The following RAP2B variants were observed in gnomAD, a reference collection of about 807,000 sequenced individuals.
RAP2B encodes the protein RAP2B, member of RAS oncogene family.
RAP2B carries 6 observed loss-of-function variants against 14.4 expected under a neutral mutation model. The ratio of observed to expected loss-of-function variants is 0.42; its 90% confidence interval spans 0.23 to 0.82. RAP2B has a LOEUF of 0.82. Among genes scored for constraint, RAP2B ranks in the 40% least tolerant of loss-of-function variants. The pLI is 0.30. For synonymous variants in RAP2B, 118 were observed against 113.2 expected, an observed-to-expected ratio of 1.04 and a Z score of -0.27; for missense variants, 137 against 248.2, an observed-to-expected ratio of 0.55 and a Z score of 3.01.
At position 153,165,020 on chromosome 3, in the gene RAP2B, A is replaced by AGG. The variant is rs1713536176; in HGVS notation, c.*1775_*1776insGG. 1.2e-5 allele frequency: 2 copies of AGG among 166,814 alleles called. No homozygotes were observed. Among genetic ancestry groups the AGG allele is most frequent in the African/African-American group, 4.8e-5 (2 of 41,446 alleles). The allele number at this position is 166,814 out of a possible 1,614,324, so 10.3% of individuals were successfully genotyped here. ...GTTTACCTCATTGTAGGTAGGGAAC[A>AGG]AGAGAACCCATCTATTAAAATTGCC... On this transcript the variant is annotated 3_prime_UTR_variant, in exon 1 of 1. Transcript: ENST00000323534.
rs1713489956 is a variant in RAP2B, at chr3:153,163,747, A to T, written c.*502A>T. The T allele has an allele frequency of 6.5e-6, 1 of 155,024 alleles. No homozygotes were observed. Among genetic ancestry groups the T allele is most frequent in the Admixed American group, 7.7e-5 (1 of 12,928 alleles). 9.6% of individuals were successfully genotyped at this position (155,024 alleles called of 1,614,324 possible). On this transcript the variant is annotated 3_prime_UTR_variant, in exon 1 of 1. Coordinates refer to ENST00000323534, the MANE Select transcript of RAP2B (RefSeq NM_002886.4). Reference sequence around the variant, plus strand: ...ACATGGAAGGAAGTCCGGGAGAACCATATGAAGGAGCAGGAGGAGAGGAAG... The same window carrying T: ...ACATGGAAGGAAGTCCGGGAGAACCTTATGAAGGAGCAGGAGGAGAGGAAG...
At position 153,163,347 on chromosome 3, in the gene RAP2B, C is replaced by G; in HGVS notation, c.*102C>G. 1 of 1,434,178 alleles carries G rather than the reference C, an allele frequency of 7.0e-7. No homozygotes were observed. Among genetic ancestry groups the G allele is most frequent in the Non-Finnish European group, 9.2e-7 (1 of 1,084,200 alleles). 88.8% of individuals were successfully genotyped at this position (1,434,178 alleles called of 1,614,324 possible). The stretch of plus-strand genomic sequence containing the variant: ...TGCTTTGAGATTGGAGACCACTTTG[C>G]ATTGGCCAGGGTGTCTTGGGAGCCC... On this transcript the variant is annotated 3_prime_UTR_variant, in exon 1 of 1. Coordinates refer to ENST00000323534, the MANE Select transcript of RAP2B (RefSeq NM_002886.4).
Position 153,164,452 on chromosome 3 carries a change from C to G in RAP2B, c.*1207C>G, listed in dbSNP as rs1713511386. 6.0e-6 allele frequency: 1 copy of G among 167,056 alleles called. No individual in the cohort carries two copies. Among genetic ancestry groups the G allele is most frequent in the Admixed American group, 6.5e-5 (1 of 15,288 alleles). The allele number at this position is 167,056 out of a possible 1,614,324, so 10.3% of individuals were successfully genotyped here. ...GTTTAGTGAATTTCTTTATTATTTTCAGCCTTTAAAATGTAATTTCCATCT... is the reference window on the plus strand; with the variant it reads ...GTTTAGTGAATTTCTTTATTATTTTGAGCCTTTAAAATGTAATTTCCATCT... On this transcript the variant is annotated 3_prime_UTR_variant, in exon 1 of 1. Coordinates refer to ENST00000323534, the MANE Select transcript of RAP2B (RefSeq NM_002886.4).
chr3:153,164,719 GAAAC>G lies in RAP2B; in HGVS notation c.*1479_*1482del, dbSNP rs1350158604. On this transcript the variant is annotated 3_prime_UTR_variant, in exon 1 of 1. Coordinates refer to ENST00000323534, the MANE Select transcript of RAP2B (RefSeq NM_002886.4). ...TTTTAATACAAATGTCATTTTTAAA[GAAAC>G]AAACCCAAAACTATTGTTTGTGTTT... is the stretch of plus-strand genomic sequence containing the variant. 6.0e-6 allele frequency: 1 copy of G among 166,986 alleles called. No individual in the cohort carries two copies. The highest frequency in any genetic ancestry group is 2.4e-5 in the African/African-American group (1 of 41,430). The allele number at this position is 166,986 out of a possible 1,614,324, so 10.3% of individuals were successfully genotyped here.
Position 153,162,255 on chromosome 3 carries a change from G to C in RAP2B, c.-439G>C, listed in dbSNP as rs1001041269. 1 of 152,988 alleles carries C rather than the reference G, an allele frequency of 6.5e-6. No individual in the cohort carries two copies. Among genetic ancestry groups the C allele is most frequent in the African/African-American group, 2.4e-5 (1 of 41,466 alleles). The allele number at this position is 152,988 out of a possible 1,614,324, so 9.5% of individuals were successfully genotyped here. ...GAGGCTGTGGGAGAGAGCGCGATGG[G>C]CCGCGGCGGTGGGCGCACGTTCCGC... is the stretch of plus-strand genomic sequence containing the variant. On this transcript the variant is annotated 5_prime_UTR_variant, in exon 1 of 1. Transcript: ENST00000323534. This position sits in a 1 kb window ranked among gnomAD's most constrained non-coding sequence, Gnocchi z 4.9.
Position 153,166,542 on chromosome 3 carries a change from T to C in RAP2B, c.*3297T>C, listed in dbSNP as rs1713583212. ...GACCCCTGCTGTTTTTAAACAGCTTTTCCTTTTGGTCTCTGACAGTCAATC... is the reference window on the plus strand; with the variant it reads ...GACCCCTGCTGTTTTTAAACAGCTTCTCCTTTTGGTCTCTGACAGTCAATC... On this transcript the variant is annotated 3_prime_UTR_variant, in exon 1 of 1. Transcript: ENST00000323534. 1 of 167,114 alleles carries C rather than the reference T, an allele frequency of 6.0e-6. No individual in the cohort carries two copies. 10.4% of individuals were successfully genotyped at this position (167,114 alleles called of 1,614,324 possible).
chr3:153,166,458 CAG>C lies in RAP2B; in HGVS notation c.*3215_*3216del, dbSNP rs1289970896. 3 of 166,996 alleles carry C rather than the reference CAG, an allele frequency of 1.8e-5. No homozygotes were observed. The highest frequency in any genetic ancestry group is 6.5e-5 in the Admixed American group (1 of 15,276). The allele number at this position is 166,996 out of a possible 1,614,324, so 10.3% of individuals were successfully genotyped here. ...GTTGTAAGGCAATCACCTGTCAAAA[CAG>C]AAATTGGGTGGGAAAGGAGTCTTTA... On this transcript the variant is annotated 3_prime_UTR_variant, in exon 1 of 1. Coordinates refer to ENST00000323534, the MANE Select transcript of RAP2B (RefSeq NM_002886.4).
Position 153,163,417 on chromosome 3 carries a change from G to T in RAP2B, c.*172G>T. 2.4e-6 allele frequency: 2 copies of T among 846,708 alleles called. No individual in the cohort carries two copies. Among genetic ancestry groups the T allele is most frequent in the South Asian group, 1.8e-5 (1 of 54,732 alleles). 52.4% of individuals were successfully genotyped at this position (846,708 alleles called of 1,614,324 possible). On this transcript the variant is annotated 3_prime_UTR_variant, in exon 1 of 1. Coordinates refer to ENST00000323534, the MANE Select transcript of RAP2B (RefSeq NM_002886.4). Reference sequence around the variant, plus strand: ...CGTCCCCTGCCTCCACCCTGTGCCCGAGGGGGTGTCCGGTCCTGCCCATCC... The same window carrying T: ...CGTCCCCTGCCTCCACCCTGTGCCCTAGGGGGTGTCCGGTCCTGCCCATCC...
rs1345331459 is a variant in RAP2B, at chr3:153,163,382, C to T, written c.*137C>T. ...GGTGTCTTGGGAGCCCGGCTGGCCT[C>T]CGCGGCCGGCGTCCCCTGCCTCCAC... On this transcript the variant is annotated 3_prime_UTR_variant, in exon 1 of 1. Coordinates refer to ENST00000323534, the MANE Select transcript of RAP2B (RefSeq NM_002886.4). 4 of 1,259,156 alleles carry T rather than the reference C, an allele frequency of 3.2e-6. No individual in the cohort carries two copies. Among genetic ancestry groups the T allele is most frequent in the Non-Finnish European group, 4.3e-6 (4 of 927,524 alleles). The allele number at this position is 1,259,156 out of a possible 1,614,324, so 78.0% of individuals were successfully genotyped here. A position where few individuals can be genotyped will look rare whatever the true frequency, so the allele number is the denominator to read the frequency against.
rs983860780 is a variant in RAP2B, at chr3:153,167,420, G to A, written c.*4175G>A. On this transcript the variant is annotated 3_prime_UTR_variant, in exon 1 of 1. Transcript: ENST00000323534. ...CCAGTTTCTTACCCAGTGGGTCTCG[G>A]GTAGGGTCTCAATTTTCATTTCTAA... 6.0e-6 allele frequency: 1 copy of A among 166,932 alleles called. No individual in the cohort carries two copies. Among genetic ancestry groups the A allele is most frequent in the Non-Finnish European group, 1.5e-5 (1 of 68,098 alleles). 10.3% of individuals were successfully genotyped at this position (166,932 alleles called of 1,614,324 possible).
chr3:153,166,185 T>C lies in RAP2B; in HGVS notation c.*2940T>C, dbSNP rs1204339685. ...TGTAAAATAAATGCTTTTTGGATTATCAATGAAAGCAATTTTATGTGTGCC... is the reference window on the plus strand; with the variant it reads ...TGTAAAATAAATGCTTTTTGGATTACCAATGAAAGCAATTTTATGTGTGCC... On this transcript the variant is annotated 3_prime_UTR_variant, in exon 1 of 1. Coordinates refer to ENST00000323534, the MANE Select transcript of RAP2B (RefSeq NM_002886.4). The C allele has an allele frequency of 6.0e-6, 1 of 166,890 alleles. No individual in the cohort carries two copies. The highest frequency in any genetic ancestry group is 2.4e-5 in the African/African-American group (1 of 41,450). 10.3% of individuals were successfully genotyped at this position (166,890 alleles called of 1,614,324 possible). A position where few individuals can be genotyped will look rare whatever the true frequency, so the allele number is the denominator to read the frequency against.
In RAP2B at chr3:153,168,604, T is replaced by C. The variant is rs1242176261; in HGVS notation, c.*5359T>C. On this transcript the variant is annotated 3_prime_UTR_variant, in exon 1 of 1. Coordinates refer to ENST00000323534, the MANE Select transcript of RAP2B (RefSeq NM_002886.4). ...TGGAGTGTTACATCTGAAACTATTCTATTAGAAGGTGAAAAGTGTTGATTG... is the reference window on the plus strand; with the variant it reads ...TGGAGTGTTACATCTGAAACTATTCCATTAGAAGGTGAAAAGTGTTGATTG... 2 of 152,682 alleles carry C rather than the reference T, an allele frequency of 1.3e-5. No homozygotes were observed. The highest frequency in any genetic ancestry group is 4.8e-5 in the African/African-American group (2 of 41,462). The allele number at this position is 152,682 out of a possible 1,614,324, so 9.5% of individuals were successfully genotyped here. A position where few individuals can be genotyped will look rare whatever the true frequency, so the allele number is the denominator to read the frequency against.
rs1244847664 is a variant in RAP2B at position 153,163,235 on chromosome 3, T to A, written c.542T>A (p.Val181Glu). Residue 181 changes from valine to glutamate, a missense_variant, in exon 1 of 1, where the codon GTG becomes GAG. Val to Glu is a moderately radical substitution (Grantham distance 121). Around this residue, in one of 2 missense-constraint regions of RAP2B, gnomAD observed 106 missense variants for 143.5 expected, o/e 0.74. Transcript: ENST00000323534. ...NGDEGCCSAC[V>E]IL ...GATGAGGGCTGCTGCTCGGCCTGCG[T>A]GATCCTCTGAGGCGGCCACCGCGCG... 1.3e-6 allele frequency: 2 copies of A among 1,563,828 alleles called. No homozygotes were observed. Among genetic ancestry groups the A allele is most frequent in the African/African-American group, 1.4e-5 (1 of 73,846 alleles).
In RAP2B at chr3:153,166,632, A is replaced by G. The variant is rs1324171434; in HGVS notation, c.*3387A>G. The G allele has an allele frequency of 6.0e-6, 1 of 167,054 alleles. No individual in the cohort carries two copies. Among genetic ancestry groups the G allele is most frequent in the Non-Finnish European group, 1.5e-5 (1 of 68,114 alleles). 10.3% of individuals were successfully genotyped at this position (167,054 alleles called of 1,614,324 possible). The stretch of plus-strand genomic sequence containing the variant: ...CTTTTTTAATAGCTTCAGGAAAGTT[A>G]AAGGTATCATCTTAGGTCTAACACT... On this transcript the variant is annotated 3_prime_UTR_variant, in exon 1 of 1. Coordinates refer to ENST00000323534, the MANE Select transcript of RAP2B (RefSeq NM_002886.4).
rs891910080 is a variant in RAP2B, at chr3:153,167,201, A to T, written c.*3956A>T. 62 of 167,038 alleles carry T rather than the reference A, an allele frequency of 3.7e-4. No individual in the cohort carries two copies. Among genetic ancestry groups the T allele is most frequent in the Admixed American group, 3.7e-3 (56 of 15,286 alleles). 10.3% of individuals were successfully genotyped at this position (167,038 alleles called of 1,614,324 possible). On this transcript the variant is annotated 3_prime_UTR_variant, in exon 1 of 1. Coordinates refer to ENST00000323534, the MANE Select transcript of RAP2B (RefSeq NM_002886.4). ...GTGGTATTCTTGATTACAGTATTTT[A>T]TGCAGACTATTAGGAATGATTCAGT...
In RAP2B at chr3:153,167,931, A is replaced by C. The variant is rs1713623615; in HGVS notation, c.*4686A>C. 1 of 167,058 alleles carries C rather than the reference A, an allele frequency of 6.0e-6. No homozygotes were observed. 10.3% of individuals were successfully genotyped at this position (167,058 alleles called of 1,614,324 possible). On this transcript the variant is annotated 3_prime_UTR_variant, in exon 1 of 1. Coordinates refer to ENST00000323534, the MANE Select transcript of RAP2B (RefSeq NM_002886.4). ...GTCTTCTCTTCAACATTAAAAAACA[A>C]AGATTTTAAGTTTTCATGGCAAGGG... is the stretch of plus-strand genomic sequence containing the variant.
At position 153,169,528 on chromosome 3, in the gene RAP2B, C is replaced by A; in HGVS notation, c.*6283C>A. 6.5e-6 allele frequency: 1 copy of A among 153,694 alleles called. No individual in the cohort carries two copies. The allele number at this position is 153,694 out of a possible 1,614,324, so 9.5% of individuals were successfully genotyped here. A position where few individuals can be genotyped will look rare whatever the true frequency, so the allele number is the denominator to read the frequency against. On this transcript the variant is annotated 3_prime_UTR_variant, in exon 1 of 1. Coordinates refer to ENST00000323534, the MANE Select transcript of RAP2B (RefSeq NM_002886.4). ...TGGCGCGATCTCGGCTCACTGCAAC[C>A]TCTGCCTCCCAGGTTCAAGCGATTA...
chr3:153,164,863 C>A lies in RAP2B; in HGVS notation c.*1618C>A, dbSNP rs1303728208. ...TTTAAAGACAGAAGTGTCTCAGTGA[C>A]AAGTTGGATGACACTACTCCCAACT... On this transcript the variant is annotated 3_prime_UTR_variant, in exon 1 of 1. Transcript: ENST00000323534. 6.0e-6 allele frequency: 1 copy of A among 167,016 alleles called. No individual in the cohort carries two copies. The highest frequency in any genetic ancestry group is 1.5e-5 in the Non-Finnish European group (1 of 68,120). The allele number at this position is 167,016 out of a possible 1,614,324, so 10.3% of individuals were successfully genotyped here. A position where few individuals can be genotyped will look rare whatever the true frequency, so the allele number is the denominator to read the frequency against.
chr3:153,167,705 G>T lies in RAP2B; in HGVS notation c.*4460G>T, dbSNP rs1035146440. On this transcript the variant is annotated 3_prime_UTR_variant, in exon 1 of 1. Coordinates refer to ENST00000323534, the MANE Select transcript of RAP2B (RefSeq NM_002886.4). Reference sequence around the variant, plus strand: ...GTGTGAAATAGAATAAACATTGCAGGTAGTTTTTGATCATTTTCACATTAT... The same window carrying T: ...GTGTGAAATAGAATAAACATTGCAGTTAGTTTTTGATCATTTTCACATTAT... 3.0e-5 allele frequency: 5 copies of T among 167,022 alleles called. No homozygotes were observed. Among genetic ancestry groups the T allele is most frequent in the Non-Finnish European group, 7.3e-5 (5 of 68,118 alleles). 10.3% of individuals were successfully genotyped at this position (167,022 alleles called of 1,614,324 possible). A position where few individuals can be genotyped will look rare whatever the true frequency, so the allele number is the denominator to read the frequency against.
Sources: gnomAD v4.1 joint callset for allele counts on GRCh38, gnomAD v4.1.1 for gene constraint, gnomAD v4.1.1 regional missense constraint, Gnocchi (gnomAD v3.1) non-coding constraint, MANE v1.5 for transcripts, NCBI Gene and HGNC (gene_info 2026-07-23, HGNC 2026-07-21) for gene names.